Variants in PPARGC1A observed in about 807,000 individuals in gnomAD.
PPARGC1A encodes the protein peroxisome proliferator-activated receptor gamma coactivator 1-alpha.
A neutral mutation model predicts 88.7 loss-of-function variants in PPARGC1A; 25 were observed. That is an observed-to-expected ratio of 0.28 (90% CI 0.21 to 0.39). PPARGC1A has a LOEUF of 0.39. Ranked by LOEUF, PPARGC1A falls within the 10% of genes least tolerant of loss-of-function variation. The pLI, the probability that PPARGC1A is intolerant of heterozygous loss-of-function variation, is 1.00. For synonymous variants in PPARGC1A, 363 were observed against 355.6 expected, an observed-to-expected ratio of 1.02 and a Z score of -0.24; for missense variants, 880 against 968.7, an observed-to-expected ratio of 0.91 and a Z score of 1.22.
the PPARGC1A span, among the ~76,000 whole-genome samples, chr4:23,963,352 T>C: frequency 2.0e-5 from 3 of 152,308 alleles, no homozygotes; most frequent in African/African-American, 7.2e-5. Flanking sequence ...TTGACAATCT[T>C]TACTTTCAAA....
chr4:24,058,911 C>G, the PPARGC1A span, among the ~76,000 whole-genome samples: 2 of 152,188 alleles, frequency 1.3e-5, no homozygotes, highest in Non-Finnish European at 2.9e-5. Flanking sequence ...TGCCATTGCA[C>G]CCCAGCCTGG....
chr4:24,136,212 T>G, the PPARGC1A span, among the ~76,000 whole-genome samples: 1 of 152,186 alleles, frequency 6.6e-6, no homozygotes, highest in East Asian at 1.9e-4. Flanking sequence ...ATGAAGGGTA[T>G]AGTCAACTGG....
chr4:23,919,547 T>TAA, the PPARGC1A span, among the ~76,000 whole-genome samples: 742 of 75,290 alleles, frequency 9.9e-3, 38 homozygotes, highest in East Asian at 0.13. Flanking sequence ...GAGTAGTTCT[T>TAA]AAAAAAAAAA....
At chr4:23,828,250 T>C in intron 5 of PPARGC1A, 150 bp downstream of exon 5, 1 of 794,078 alleles carries the variant, frequency 1.3e-6, no homozygotes, top group South Asian at 1.8e-5. Context: ...GAAAGGTTTC[T>C]TCCCCCGCTC....
At chr4:24,434,579 C>T in the PPARGC1A span, among the ~76,000 whole-genome samples, 1 of 152,096 alleles carries the variant, frequency 6.6e-6, no homozygotes, top group Non-Finnish European at 1.5e-5. Context: ...AGGGTGGGGC[C>T]CCTGGAAACT....
chr4:24,311,076 T>C, the PPARGC1A span, among the ~76,000 whole-genome samples: 8 of 143,938 alleles, frequency 5.6e-5, no homozygotes, highest in South Asian at 2.2e-4. Context: ...TAGTAAGTTA[T>C]ATAATAATTC....
chr4:24,273,173 T>C, the PPARGC1A span, among the ~76,000 whole-genome samples: 3 of 152,178 alleles, frequency 2.0e-5, no homozygotes, highest in Admixed American at 6.5e-5. Flanking sequence ...AAGACTCCCT[T>C]CAAAGTGTAA....
chr4:23,869,984 G>A (rs905773437), intron 2 of PPARGC1A, among the ~76,000 whole-genome samples: 2 of 152,186 alleles, frequency 1.3e-5, no homozygotes, highest in African/African-American at 4.8e-5. Flanking sequence ...TTCAATAGCT[G>A]TATTTTTAAG....
the PPARGC1A span, among the ~76,000 whole-genome samples, chr4:24,249,534 G>T: frequency 2.6e-5 from 4 of 152,124 alleles, no homozygotes; most frequent in Non-Finnish European, 4.4e-5. Flanking sequence ...AGGGTCTCGC[G>T]CCATGAAGAC....
chr4:24,110,551 T>C, the PPARGC1A span, among the ~76,000 whole-genome samples: 1 of 152,184 alleles, frequency 6.6e-6, no homozygotes, highest in African/African-American at 2.4e-5. Flanking sequence ...CAGGTGTTGG[T>C]AGCCAAATAG....
At chr4:24,403,335 TCAGTGGAACG>T in the PPARGC1A span, among the ~76,000 whole-genome samples, 1 of 152,338 alleles carries the variant, frequency 6.6e-6, no homozygotes, top group East Asian at 1.9e-4. Context: ...CAGCACAACT[TCAGTGGAACG>T]TTAAGCTCTG....
At chr4:24,173,004 T>C in the PPARGC1A span, among the ~76,000 whole-genome samples, 26 of 152,308 alleles carry the variant, frequency 1.7e-4, no homozygotes, top group African/African-American at 3.8e-4. Flanking sequence ...TTTTCGAACA[T>C]TGTATTTTAG....
chr4:24,469,595 G>A, the PPARGC1A span, among the ~76,000 whole-genome samples: 1 of 152,138 alleles, frequency 6.6e-6, no homozygotes, highest in African/African-American at 2.4e-5. Context: ...ACTAAGAGTA[G>A]CACAGTACCC....
the PPARGC1A span, among the ~76,000 whole-genome samples, chr4:24,274,700 G>T: frequency 1.3e-5 from 2 of 152,112 alleles, no homozygotes; most frequent in African/African-American, 4.8e-5. Flanking sequence ...GCCATAACTT[G>T]CCAACCCTTG....
the PPARGC1A span, among the ~76,000 whole-genome samples, chr4:24,096,899 C>T: frequency 6.6e-6 from 1 of 152,258 alleles, no homozygotes; most frequent in Non-Finnish European, 1.5e-5. Flanking sequence ...AGTCAGTCCT[C>T]CCTGATTTAG....
chr4:24,434,045 C>T, the PPARGC1A span, among the ~76,000 whole-genome samples: 6 of 152,216 alleles, frequency 3.9e-5, no homozygotes, highest in African/African-American at 1.2e-4. Flanking sequence ...GCCATCTCCA[C>T]GTTGCCCTGA....
At chr4:23,987,476 G>C in the PPARGC1A span, among the ~76,000 whole-genome samples, 1 of 151,934 alleles carries the variant, frequency 6.6e-6, no homozygotes, top group Non-Finnish European at 1.5e-5. Context: ...AACAGATGCT[G>C]TTCACTCAGC....
At chr4:24,116,004 A>G in the PPARGC1A span, among the ~76,000 whole-genome samples, 3 of 152,186 alleles carry the variant, frequency 2.0e-5, no homozygotes, top group African/African-American at 7.2e-5. Context: ...CTTACATTCC[A>G]GTTATTGGAA....
the PPARGC1A span, among the ~76,000 whole-genome samples, chr4:24,140,256 G>A: frequency 5.9e-5 from 9 of 152,150 alleles, no homozygotes; most frequent in East Asian, 1.9e-4. Flanking sequence ...ATCCATCTTC[G>A]AATGCAAAAA....
Sources: allele counts gnomAD v4.1 joint callset (sites outside exome capture counted in the v4.1 genomes callset), GRCh38; gene constraint gnomAD v4.1.1; transcripts MANE v1.5; gene names NCBI Gene and HGNC (gene_info 2026-07-23, HGNC 2026-07-21).